The following GRM8 variants were observed in gnomAD, a reference collection of about 807,000 sequenced individuals.
The protein encoded by GRM8 is metabotropic glutamate receptor 8.
Under a neutral mutation model 87.2 loss-of-function variants are expected in GRM8, and 47 were observed. The observed-to-expected ratio is 0.54, with a 90% CI of 0.43 to 0.69. The LOEUF (loss-of-function observed/expected upper bound fraction) is 0.69. Ranked by LOEUF, GRM8 falls within the 30% of genes least tolerant of loss-of-function variation. GRM8 has a pLI of 0.00. For synonymous variants in GRM8, 396 were observed against 404.5 expected (o/e 0.98, Z 0.25); for missense variants, 1,019 against 1,139.2 (o/e 0.89, Z 1.52).
Position 126,718,629 on chromosome 7 carries a change from A to G in GRM8, c.1357+51236T>C, listed in dbSNP as rs1335700747. On this transcript the variant is annotated intron_variant, in intron 7 of 10. Coordinates refer to ENST00000339582, the MANE Select transcript of GRM8 (RefSeq NM_000845.3). ...AGATGTAACCACATGTGAACTTCAG[A>G]CTTTCCATTTGACTTGCATCTCCAG... 2.6e-5 allele frequency among the ~76,000 whole-genome samples: 4 copies of G among 152,178 alleles called. No homozygotes were observed. The East Asian group carries it at 7.7e-4, about 29-fold the overall frequency.
Position 127,240,802 on chromosome 7 carries a change from C to T in GRM8, c.510+1893G>A, listed in dbSNP as rs189405195. 7.1e-4 allele frequency among the ~76,000 whole-genome samples: 108 copies of T among 152,016 alleles called. 1 individual carries two copies. The highest frequency in any genetic ancestry group is 2.4e-3 in the African/African-American group (99 of 41,452). The stretch of plus-strand genomic sequence containing the variant: ...CAGAAAATGCCATATGGCACAGAAC[C>T]GGGGTAGCTGGGAGGAATACTAGAT... On this transcript the variant is annotated intron_variant, in intron 2 of 10. Coordinates refer to ENST00000339582, the MANE Select transcript of GRM8 (RefSeq NM_000845.3).
At chr7:126,822,041 A>G (rs1794342634) in intron 6 of GRM8, among the ~76,000 whole-genome samples, 1 of 152,128 alleles carries the variant, frequency 6.6e-6, no homozygotes, top group Admixed American at 6.6e-5. Flanking sequence ...AATTTTGAAA[A>G]CTTACATTTT....
At chr7:126,696,169 G>A (rs1020600220) in intron 7 of GRM8, among the ~76,000 whole-genome samples, 1 of 152,160 alleles carries the variant, frequency 6.6e-6, no homozygotes, top group African/African-American at 2.4e-5. Context: ...CTAGGGTGAA[G>A]TGAGTGATGC....
At chr7:126,587,270 G>A (rs565796174) in intron 8 of GRM8, among the ~76,000 whole-genome samples, 28 of 152,302 alleles carry the variant, frequency 1.8e-4, no homozygotes, top group Non-Finnish European at 2.6e-4. Flanking sequence ...TCAGTGTGGC[G>A]ATTCCTCAAG....
At chr7:126,508,583 A>G (rs1331919219) in intron 9 of GRM8, among the ~76,000 whole-genome samples, 1 of 152,084 alleles carries the variant, frequency 6.6e-6, no homozygotes, top group East Asian at 1.9e-4. Flanking sequence ...GATTTGTTTT[A>G]GTGCAGTAAA....
At chr7:126,983,405 T>C (rs937709585) in intron 3 of GRM8, among the ~76,000 whole-genome samples, 18 of 152,294 alleles carry the variant, frequency 1.2e-4, no homozygotes, top group African/African-American at 4.3e-4. Context: ...GTGTATGCTC[T>C]GAGCCAGCTT....
intron 9 of GRM8, among the ~76,000 whole-genome samples, chr7:126,505,820 T>C (rs548391876): frequency 6.6e-6 from 1 of 152,168 alleles, no homozygotes; most frequent in African/African-American, 2.4e-5. Flanking sequence ...ACCTAACATA[T>C]TTAATATTTT....
chr7:126,601,252 G>A (rs1205914348), intron 8 of GRM8, among the ~76,000 whole-genome samples: 1 of 152,042 alleles, frequency 6.6e-6, no homozygotes, highest in African/African-American at 2.4e-5. Context: ...CCCTACAAAC[G>A]ACATGAACTC....
chr7:126,772,668 C>A (rs770385574), intron 6 of GRM8, among the ~76,000 whole-genome samples: 2 of 152,066 alleles, frequency 1.3e-5, no homozygotes, highest in African/African-American at 2.4e-5. Context: ...AAAAATAATT[C>A]TTTCATGATA....
chr7:126,813,236 A>G (rs1339200865), intron 6 of GRM8, among the ~76,000 whole-genome samples: 1 of 152,112 alleles, frequency 6.6e-6, no homozygotes, highest in Non-Finnish European at 1.5e-5. Flanking sequence ...AAAAACTGAT[A>G]GTATGAAAGT....
chr7:126,808,979 A>G (rs932542769), intron 6 of GRM8, among the ~76,000 whole-genome samples: 1 of 152,222 alleles, frequency 6.6e-6, no homozygotes, highest in Admixed American at 6.5e-5. Flanking sequence ...TCTGTAGGTC[A>G]TAAGTGCAAA....
At chr7:126,926,921 A>C (rs1282204738) in intron 3 of GRM8, among the ~76,000 whole-genome samples, 1 of 152,212 alleles carries the variant, frequency 6.6e-6, no homozygotes, top group Non-Finnish European at 1.5e-5. Flanking sequence ...GTCTAGTTCC[A>C]CATTTTCCCA....
intron 9 of GRM8, among the ~76,000 whole-genome samples, chr7:126,460,929 G>C (rs535004974): frequency 6.6e-6 from 1 of 151,478 alleles, no homozygotes; most frequent in African/African-American, 2.4e-5. Context: ...ATATTTTAGA[G>C]CCATTAGTCA....
intron 3 of GRM8, among the ~76,000 whole-genome samples, chr7:126,976,153 A>C (rs995711966): frequency 6.6e-6 from 1 of 152,336 alleles, no homozygotes. Context: ...CTATACTTCA[A>C]AAAATATATT....
At chr7:126,630,904 C>T (rs973361404) in intron 7 of GRM8, among the ~76,000 whole-genome samples, 2 of 152,086 alleles carry the variant, frequency 1.3e-5, no homozygotes, top group African/African-American at 4.8e-5. Flanking sequence ...CCATAGACTA[C>T]AAACCCACAC....
intron 8 of GRM8, among the ~76,000 whole-genome samples, chr7:126,580,953 G>A (rs1795552014): frequency 7.4e-6 from 1 of 134,272 alleles, no homozygotes; most frequent in African/African-American, 2.5e-5. Context: ...TCTCCAAGAG[G>A]TCTTAAAAAA....
At chr7:126,442,105 CG>C (rs34014276) in intron 10 of GRM8, among the ~76,000 whole-genome samples, 1 of 151,926 alleles carries the variant, frequency 6.6e-6, no homozygotes, top group Admixed American at 6.6e-5. Context: ...CAGAATAGAT[CG>C]GGATGGAACA....
At chr7:126,772,651 T>G (rs746403554) in intron 6 of GRM8, among the ~76,000 whole-genome samples, 1 of 152,110 alleles carries the variant, frequency 6.6e-6, no homozygotes, top group Non-Finnish European at 1.5e-5. Context: ...TATTGAAGTA[T>G]GAAAATAAAA....
chr7:127,020,487 G>A (rs1164369750), intron 3 of GRM8, among the ~76,000 whole-genome samples: 1 of 152,070 alleles, frequency 6.6e-6, no homozygotes, highest in Non-Finnish European at 1.5e-5. Flanking sequence ...CCTCCCTGAT[G>A]AGTTGTCTTT....
Sources: allele counts gnomAD v4.1 joint callset (sites outside exome capture counted in the v4.1 genomes callset), GRCh38; gene constraint gnomAD v4.1.1; transcripts MANE v1.5; gene names NCBI Gene and HGNC (gene_info 2026-07-23, HGNC 2026-07-21).